The following FHIT variants were observed in gnomAD, a reference collection of about 807,000 sequenced individuals.
FHIT encodes bis(5'-adenosyl)-triphosphatase.
In FHIT, 19 loss-of-function variants were observed where a neutral mutation model predicts 17.9. The ratio of observed to expected loss-of-function variants is 1.06; its 90% CI spans 0.74 to 1.56. The LOEUF is 1.56. Among genes scored for constraint, FHIT ranks in the 40% most tolerant of loss-of-function variants. The pLI is 0.00. For missense variants in FHIT, 248 were observed against 189.2 expected (o/e 1.31, Z -1.82); for synonymous variants, 81 against 69.7 (o/e 1.16, Z -0.81).
chr3:61,115,300 G>C (rs1352687774), intron 2 of FHIT, among the ~76,000 whole-genome samples: 1 of 152,126 alleles, frequency 6.6e-6, no homozygotes, highest in East Asian at 1.9e-4. Context: ...GCCCAGAGGA[G>C]GGCTAAGAGT....
intron 4 of FHIT, among the ~76,000 whole-genome samples, chr3:60,710,192 A>G (rs1028357401): frequency 1.3e-5 from 2 of 152,110 alleles, no homozygotes; most frequent in African/African-American, 4.8e-5. Flanking sequence ...ACCATAGTGC[A>G]TGGCAGTGAA....
At chr3:60,775,345 C>T (rs1700184632) in intron 4 of FHIT, among the ~76,000 whole-genome samples, 1 of 152,126 alleles carries the variant, frequency 6.6e-6, no homozygotes, top group East Asian at 1.9e-4. Flanking sequence ...TCCAACTGGC[C>T]TGTGCACCGG....
chr3:60,924,632 ACT>A (rs1707476335), intron 3 of FHIT, among the ~76,000 whole-genome samples: 1 of 152,112 alleles, frequency 6.6e-6, no homozygotes, highest in African/African-American at 2.4e-5. Flanking sequence ...AAAACTGGAA[ACT>A]CTAAAAATCA....
At chr3:60,710,185 A>G (rs2041484874) in intron 4 of FHIT, among the ~76,000 whole-genome samples, 5 of 152,036 alleles carry the variant, frequency 3.3e-5, no homozygotes. Context: ...TTTTTTAACC[A>G]TAGTGCATGG....
chr3:60,972,049 C>T (rs1005874300), intron 3 of FHIT, among the ~76,000 whole-genome samples: 1 of 152,150 alleles, frequency 6.6e-6, no homozygotes, highest in African/African-American at 2.4e-5. Flanking sequence ...TTTGCATCTG[C>T]TGCAGTTACT....
chr3:60,726,519 T>G (rs1416317222), intron 4 of FHIT, among the ~76,000 whole-genome samples: 6 of 152,166 alleles, frequency 3.9e-5, no homozygotes, highest in African/African-American at 1.4e-4. Context: ...CTGAGTCTGG[T>G]CAGTTTTCAG....
chr3:60,211,890 C>T (rs962756785), intron 5 of FHIT, among the ~76,000 whole-genome samples: 10 of 152,184 alleles, frequency 6.6e-5, no homozygotes, highest in Admixed American at 1.3e-4. Context: ...TTTTAATGTT[C>T]GCTTTTCATA....
intron 4 of FHIT, among the ~76,000 whole-genome samples, chr3:60,614,827 T>G (rs2038901107): frequency 2.3e-5 from 2 of 85,648 alleles, no homozygotes; most frequent in South Asian, 6.8e-4. Context: ...TTTGTTTTTT[T>G]TTTGTTTTTT....
intron 2 of FHIT, among the ~76,000 whole-genome samples, chr3:61,198,872 G>C (rs1205248424): frequency 7.0e-6 from 1 of 143,486 alleles, no homozygotes; most frequent in East Asian, 2.1e-4. Context: ...TCATAAAGAT[G>C]CTGTTGCTGC....
intron 5 of FHIT, among the ~76,000 whole-genome samples, chr3:60,374,858 C>A (rs1424056302): frequency 6.6e-6 from 1 of 151,958 alleles, no homozygotes; most frequent in Non-Finnish European, 1.5e-5. Context: ...AATCACTGAA[C>A]CAGCCCTTGC....
Position 61,220,323 on chromosome 3 carries a change from A to C in FHIT, c.-212-19658T>G, listed in dbSNP as rs951606904. 5.1e-4 allele frequency among the ~76,000 whole-genome samples: 77 copies of C among 152,248 alleles called. 1 individual carries two copies. The highest frequency in any genetic ancestry group is 2.9e-5 in the Non-Finnish European group (2 of 68,046). ...AAACACAGCCCTGGTTAAACCACAT[A>C]ATAATAAATTAATACTTTAAACACA... On this transcript the variant is annotated intron_variant, in intron 1 of 9. Coordinates refer to ENST00000492590, the MANE Select transcript of FHIT (RefSeq NM_002012.4).
At chr3:61,054,339 A>G (rs1273024619) in intron 2 of FHIT, among the ~76,000 whole-genome samples, 1 of 147,234 alleles carries the variant, frequency 6.8e-6, no homozygotes, top group Non-Finnish European at 1.5e-5. Context: ...ATAATTTGTA[A>G]TGTTTTTGTA....
intron 4 of FHIT, among the ~76,000 whole-genome samples, chr3:60,758,138 C>T (rs1553718788): frequency 6.6e-6 from 1 of 152,178 alleles, no homozygotes; most frequent in African/African-American, 2.4e-5. Context: ...TGTATCCCAC[C>T]ACCCAGGGCT....
intron 1 of FHIT, among the ~76,000 whole-genome samples, chr3:61,204,663 G>C (rs1018441236): frequency 2.6e-5 from 4 of 152,022 alleles, no homozygotes; most frequent in African/African-American, 7.2e-5. Flanking sequence ...GCTATGTGTT[G>C]TTTATAAGAA....
chr3:59,977,660 G>A (rs566995177), intron 7 of FHIT, among the ~76,000 whole-genome samples: 7 of 152,196 alleles, frequency 4.6e-5, no homozygotes, highest in East Asian at 1.9e-4. Flanking sequence ...AATTAAAAGC[G>A]GAATTTGAAA....
chr3:60,360,672 C>G (rs367639812), intron 5 of FHIT, among the ~76,000 whole-genome samples: 5 of 152,258 alleles, frequency 3.3e-5, no homozygotes, highest in South Asian at 4.1e-4. Context: ...CTTCCCTTCA[C>G]CAAGTCATAA....
At chr3:59,826,342 A>G (rs995565109) in intron 8 of FHIT, among the ~76,000 whole-genome samples, 4 of 152,156 alleles carry the variant, frequency 2.6e-5, no homozygotes, top group Non-Finnish European at 4.4e-5. Flanking sequence ...AAATTGTAAT[A>G]TAGTTCCCTT....
chr3:60,311,527 T>A (rs2106760209), intron 5 of FHIT, among the ~76,000 whole-genome samples: 1 of 152,280 alleles, frequency 6.6e-6, no homozygotes, highest in South Asian at 2.1e-4. Flanking sequence ...ATATTCTGAG[T>A]GTATATTAGG....
chr3:61,121,618 C>G (rs1284615953), intron 2 of FHIT, among the ~76,000 whole-genome samples: 5 of 152,088 alleles, frequency 3.3e-5, no homozygotes, highest in Admixed American at 3.3e-4. Context: ...AAACTGTTAC[C>G]AGGAGCTACT....
Sources: gnomAD v4.1 joint callset for allele counts (sites outside exome capture counted in the v4.1 genomes callset) on GRCh38, gnomAD v4.1.1 for gene constraint, MANE v1.5 for transcripts, NCBI Gene and HGNC (gene_info 2026-07-23, HGNC 2026-07-21) for gene names.